SSUH2: variants seen among roughly 807,000 people sequenced by gnomAD.
SSUH2 encodes the protein protein SSUH2 homolog.
In SSUH2, 47 loss-of-function variants were observed where a neutral mutation model predicts 55.3. That is an observed-to-expected ratio of 0.85 (90% confidence interval 0.67 to 1.08). The LOEUF is 1.08. Ranked by LOEUF, SSUH2 falls within the 50% of genes least tolerant of loss-of-function variation. SSUH2 has a pLI of 0.00. For synonymous variants in SSUH2, 212 were observed against 191.5 expected (o/e 1.11, Z -0.89); for missense variants, 535 against 490.7 (o/e 1.09, Z -0.85).
At chr3:8,628,769 CAGA>C (rs1698119391) in intron 7 of SSUH2, among the ~76,000 whole-genome samples, 1 of 152,210 alleles carries the variant, frequency 6.6e-6, no homozygotes, top group Non-Finnish European at 1.5e-5. Flanking sequence ...TCAGTGCCTC[CAGA>C]AGAACCAGCC....
chr3:8,679,416 C>T (rs1305959479), intron 2 of SSUH2, among the ~76,000 whole-genome samples: 13 of 139,906 alleles, frequency 9.3e-5, no homozygotes, highest in Admixed American at 3.5e-4. Context: ...CCCCTCTTCC[C>T]CCCCTGGCTC....
At chr3:8,633,298 C>T (rs1457444699) in intron 4 of SSUH2, among the ~76,000 whole-genome samples, 1 of 152,194 alleles carries the variant, frequency 6.6e-6, no homozygotes, top group Non-Finnish European at 1.5e-5. Context: ...CACCCACCAC[C>T]ACGCCCGGCT....
chr3:8,667,074 A>G (rs1252884415), intron 5 of SSUH2, among the ~76,000 whole-genome samples: 1 of 152,236 alleles, frequency 6.6e-6, no homozygotes, highest in Non-Finnish European at 1.5e-5. Flanking sequence ...ATGACACAGT[A>G]AAGTGAAAGC....
intron 1 of SSUH2, among the ~76,000 whole-genome samples, chr3:8,638,232 G>GA (rs1178815523): frequency 6.6e-6 from 1 of 152,126 alleles, no homozygotes; most frequent in Non-Finnish European, 1.5e-5. Flanking sequence ...GGGCTGGACT[G>GA]TAGCCCTGAA....
chr3:8,626,398 C>A (rs919484320), intron 8 of SSUH2, 77 bp from the exon 9 acceptor site: 320 of 1,063,636 alleles, frequency 3.0e-4, no homozygotes, highest in Admixed American at 4.2e-4. Flanking sequence ...ACCTGCACCC[C>A]CTTCCTCCTG....
chr3:8,673,686 G>A (rs1334046907), intron 3 of SSUH2, among the ~76,000 whole-genome samples: 1 of 152,178 alleles, frequency 6.6e-6, no homozygotes, highest in African/African-American at 2.4e-5. Context: ...AGTGGCTAGA[G>A]GAACATGCAC....
rs183799716 is a variant in SSUH2, at chr3:8,668,930, C to G, written c.-455+2068G>C. On this transcript the variant is annotated intron_variant, in intron 5 of 18. Coordinates refer to the SSUH2 transcript ENST00000317371. Reference sequence around the variant, plus strand: ...CATATGCCAAAAAGAATTGTGCATACAGAGAGAGAAAGAGAGTGGGAGGGA... The same window carrying G: ...CATATGCCAAAAAGAATTGTGCATAGAGAGAGAGAAAGAGAGTGGGAGGGA... 6.2e-5 allele frequency among the ~76,000 whole-genome samples: 8 copies of G among 128,016 alleles called. No individual in the cohort carries two copies. In the Admixed American group the frequency reaches 6.5e-4, roughly 10 times the overall value. 84.0% of individuals were successfully genotyped at this position (128,016 alleles called of 152,430 possible). A position where few individuals can be genotyped will look rare whatever the true frequency, so the allele number is the denominator to read the frequency against.
intron 1 of SSUH2, among the ~76,000 whole-genome samples, chr3:8,639,133 C>T (rs181096308): frequency 1.2e-4 from 19 of 152,304 alleles, no homozygotes; most frequent in African/African-American, 3.1e-4. Context: ...CAGATCTTGA[C>T]GGGCTCAGCA....
chr3:8,644,343 G>C (rs1701371111), intron 1 of SSUH2, among the ~76,000 whole-genome samples: 1 of 152,190 alleles, frequency 6.6e-6, no homozygotes, highest in Non-Finnish European at 1.5e-5. Flanking sequence ...AGGAGACACT[G>C]TCAACTAGAG....
intron 3 of SSUH2, among the ~76,000 whole-genome samples, chr3:8,675,381 C>T (rs757549626): frequency 6.6e-6 from 1 of 152,158 alleles, no homozygotes; most frequent in Non-Finnish European, 1.5e-5. Context: ...AGAAGTTTCC[C>T]ACCAGAGACC....
chr3:8,663,416 C>G (rs141773146), intron 6 of SSUH2, among the ~76,000 whole-genome samples: 232 of 152,390 alleles, frequency 1.5e-3, no homozygotes, highest in African/African-American at 5.2e-3. Flanking sequence ...ACTCTTTACT[C>G]TGGATTCAGA....
intron 7 of SSUH2, among the ~76,000 whole-genome samples, chr3:8,658,351 G>T (rs994291468): frequency 3.3e-5 from 5 of 152,170 alleles, no homozygotes; most frequent in Admixed American, 6.5e-5. Flanking sequence ...AGAGTTTCTG[G>T]CTAGAGGAGA....
intron 6 of SSUH2, 47 bp from the exon 7 acceptor site, chr3:8,629,773 T>A (rs1376622918): frequency 6.3e-7 from 1 of 1,575,658 alleles, no homozygotes; most frequent in South Asian, 1.1e-5. Flanking sequence ...AAGGGCCACT[T>A]CTCCCACACC....
intron 3 of SSUH2, among the ~76,000 whole-genome samples, chr3:8,674,221 AG>A (rs1014841415): frequency 2.6e-5 from 4 of 152,358 alleles, no homozygotes; most frequent in African/African-American, 7.2e-5. Flanking sequence ...AAGCAAGGGA[AG>A]GGGGGCCCTG....
At position 8,656,575 on chromosome 3, in the gene SSUH2, A is replaced by G. The variant is rs113756508; in HGVS notation, c.-307+2350T>C. On this transcript the variant is annotated intron_variant, in intron 7 of 18. Coordinates refer to the SSUH2 transcript ENST00000317371. ...CCACCATGTGCCCTAGGCTGGGGAC[A>G]CGACGGGGAGCGAGGAAGACACAAC... 6.4e-3 allele frequency among the ~76,000 whole-genome samples: 975 copies of G among 152,332 alleles called. 10 individuals are homozygous for G. Among genetic ancestry groups the G allele is most frequent in the African/African-American group, 0.022 (923 of 41,566 alleles).
chr3:8,621,260 G>C (rs1696374555), intron 11 of SSUH2, among the ~76,000 whole-genome samples: 1 of 152,212 alleles, frequency 6.6e-6, no homozygotes, highest in South Asian at 2.1e-4. Flanking sequence ...GATTGGCCCA[G>C]GGTCAGGCCC....
intron 1 of SSUH2, among the ~76,000 whole-genome samples, chr3:8,681,599 CTT>C (rs1415416372): frequency 2.0e-5 from 3 of 149,246 alleles, no homozygotes; most frequent in Non-Finnish European, 3.0e-5. Flanking sequence ...GCCAGCCACT[CTT>C]TTCCCCCGGC....
At chr3:8,634,050 G>T (rs1699447797) in intron 3 of SSUH2, 1 of 1,159,506 alleles carries the variant, frequency 8.6e-7, no homozygotes, top group Non-Finnish European at 1.2e-6. Flanking sequence ...GAGAAAAGCT[G>T]ATAGAATCCT....
In SSUH2 at chr3:8,631,775, G is replaced by A. The variant is rs934458033; in HGVS notation, c.400+274C>T. Among the ~76,000 whole-genome samples, 8 of 151,942 alleles carry A rather than the reference G, an allele frequency of 5.3e-5. 1 individual carries two copies. On this transcript the variant is annotated intron_variant, in intron 5 of 11. Coordinates refer to ENST00000544814, the MANE Select transcript of SSUH2 (RefSeq NM_001256748.3). ...AGACACGCATGCTGCTTTACAGCCC[G>A]GCCCCGTGTGGCAGCACCAGACTGT...
Sources: gnomAD v4.1 joint callset for allele counts (sites outside exome capture counted in the v4.1 genomes callset) on GRCh38, gnomAD v4.1.1 for gene constraint, MANE v1.5 for transcripts, NCBI Gene and HGNC (gene_info 2026-07-23, HGNC 2026-07-21) for gene names.